The following LARP1B variants were observed in gnomAD, a reference collection of about 807,000 sequenced individuals.
LARP1B encodes the protein la-related protein 1B.
In LARP1B, 76 loss-of-function variants were observed where a neutral mutation model predicts 114.2. The observed-to-expected ratio is 0.67, with a 90% confidence interval of 0.55 to 0.81. The LOEUF (loss-of-function observed/expected upper bound fraction) is 0.81, where lower values mean the gene tolerates loss of function less well. LARP1B is among the 30% of genes least tolerant of loss of function. The pLI is 0.00. For synonymous variants in LARP1B, 345 were observed against 348.0 expected (o/e 0.99, Z 0.10); for missense variants, 1,014 against 1,075.8 (o/e 0.94, Z 0.80).
chr4:128,127,572 G>T (rs927787506), intron 11 of LARP1B, among the ~76,000 whole-genome samples: 1 of 152,140 alleles, frequency 6.6e-6, no homozygotes, highest in Non-Finnish European at 1.5e-5. Flanking sequence ...GGTGGCTCAC[G>T]CCTGTAATCC....
At chr4:128,076,208 T>G (rs1164821747) in intron 3 of LARP1B, among the ~76,000 whole-genome samples, 1 of 152,122 alleles carries the variant, frequency 6.6e-6, no homozygotes, top group Non-Finnish European at 1.5e-5. Context: ...GAGACAGGGT[T>G]TCGCCATGTT....
At chr4:128,174,549 A>C (rs1399975486) in intron 12 of LARP1B, among the ~76,000 whole-genome samples, 1 of 152,018 alleles carries the variant, frequency 6.6e-6, no homozygotes, top group African/African-American at 2.4e-5. Flanking sequence ...GGCAAAATTC[A>C]CCCTGGAATA....
chr4:128,111,947 C>T (rs1433099361), intron 9 of LARP1B, among the ~76,000 whole-genome samples: 1 of 151,842 alleles, frequency 6.6e-6, no homozygotes, highest in Non-Finnish European at 1.5e-5. Flanking sequence ...GCCTCGGCCT[C>T]CCAAAGTGCT....
At chr4:128,184,314 A>G (rs748854550) in intron 15 of LARP1B, among the ~76,000 whole-genome samples, 19 of 152,166 alleles carry the variant, frequency 1.2e-4, no homozygotes, top group Non-Finnish European at 2.5e-4. Context: ...GTCAGCAACC[A>G]CCGCTCTGAT....
At chr4:128,087,578 G>C (rs1485324154) in intron 5 of LARP1B, among the ~76,000 whole-genome samples, 1 of 152,122 alleles carries the variant, frequency 6.6e-6, no homozygotes. Flanking sequence ...TCCCTTGAAA[G>C]TAACTTGGAG....
chr4:128,117,371 G>A (rs1018993428), intron 10 of LARP1B, among the ~76,000 whole-genome samples: 3 of 151,636 alleles, frequency 2.0e-5, no homozygotes, highest in South Asian at 2.1e-4. Context: ...TACTACACCC[G>A]GCTAATTTTT....
At chr4:128,090,018 C>A (rs1000583906) in intron 5 of LARP1B, among the ~76,000 whole-genome samples, 1 of 151,046 alleles carries the variant, frequency 6.6e-6, no homozygotes, top group Non-Finnish European at 1.5e-5. Flanking sequence ...AGCAATTTGC[C>A]TGTCTCAGCC....
chr4:128,126,106 A>G (rs1789500320), intron 11 of LARP1B, among the ~76,000 whole-genome samples: 1 of 150,812 alleles, frequency 6.6e-6, no homozygotes, highest in Non-Finnish European at 1.5e-5. Flanking sequence ...ACATACCTTA[A>G]AATAATCTTT....
At chr4:128,153,811 T>G (rs946037952) in intron 11 of LARP1B, among the ~76,000 whole-genome samples, 1 of 152,330 alleles carries the variant, frequency 6.6e-6, no homozygotes, top group East Asian at 1.9e-4. Flanking sequence ...ATTTGTCTTA[T>G]GTTTCATAGG....
intron 1 of LARP1B, chr4:128,061,878 GGGGAGAGCCGTCGCCGGCGCT>G (rs1195631439): frequency 6.1e-5 from 60 of 985,114 alleles, no homozygotes; most frequent in Non-Finnish European, 7.1e-5. Context: ...GCTGGGGCGC[GGGGAGAGCCGTCGCCGGCGCT>G]GGTGCTGGGA....
At chr4:128,101,891 G>A (rs1780469412) in intron 8 of LARP1B, among the ~76,000 whole-genome samples, 1 of 152,102 alleles carries the variant, frequency 6.6e-6, no homozygotes, top group African/African-American at 2.4e-5. Flanking sequence ...ACTTCTGTAC[G>A]AATGTAGTTG....
intron 13 of LARP1B, among the ~76,000 whole-genome samples, chr4:128,177,682 A>T (rs2150645247): frequency 6.6e-6 from 1 of 152,360 alleles, no homozygotes; most frequent in South Asian, 2.1e-4. Flanking sequence ...AGTCTTCACC[A>T]GAATGTTGAA....
chr4:128,096,194 C>T (rs1027325253), intron 7 of LARP1B, among the ~76,000 whole-genome samples: 20 of 151,992 alleles, frequency 1.3e-4, no homozygotes, highest in Non-Finnish European at 1.6e-4. Context: ...AGGGTTTCAC[C>T]GTGTTAGCCA....
chr4:128,141,284 G>A (rs1026919752), intron 11 of LARP1B, among the ~76,000 whole-genome samples: 1 of 152,070 alleles, frequency 6.6e-6, no homozygotes, highest in African/African-American at 2.4e-5. Flanking sequence ...GGTATCATTG[G>A]CTAGCGTCTG....
intron 15 of LARP1B, among the ~76,000 whole-genome samples, chr4:128,187,348 T>G (rs1750712455): frequency 6.6e-6 from 1 of 152,252 alleles, no homozygotes; most frequent in South Asian, 2.1e-4. Flanking sequence ...GCCCACCCCT[T>G]GCACCAGCAT....
chr4:128,209,303 C>T (rs565607597), intron 19 of LARP1B, among the ~76,000 whole-genome samples: 1 of 152,174 alleles, frequency 6.6e-6, no homozygotes, highest in African/African-American at 2.4e-5. Flanking sequence ...CGCCTCTACT[C>T]CCAGCTACTT....
intron 15 of LARP1B, among the ~76,000 whole-genome samples, chr4:128,182,750 G>A (rs1237250478): frequency 6.6e-6 from 1 of 152,198 alleles, no homozygotes; most frequent in Non-Finnish European, 1.5e-5. Flanking sequence ...CTGAAAACTA[G>A]ATCTCTTGTG....
chr4:128,079,060 C>T (rs1352577137), intron 4 of LARP1B, among the ~76,000 whole-genome samples: 1 of 150,936 alleles, frequency 6.6e-6, no homozygotes. Flanking sequence ...TTAACTTTTA[C>T]CGTAGACTGA....
At chr4:128,074,148 C>T (rs972871739) in intron 1 of LARP1B, among the ~76,000 whole-genome samples, 1 of 151,964 alleles carries the variant, frequency 6.6e-6, no homozygotes, top group Non-Finnish European at 1.5e-5. Flanking sequence ...CCATGTTGGT[C>T]AGGCCGGTCT....
Sources: allele counts gnomAD v4.1 joint callset (sites outside exome capture counted in the v4.1 genomes callset), GRCh38; gene constraint gnomAD v4.1.1; transcripts MANE v1.5; gene names NCBI Gene and HGNC (gene_info 2026-07-23, HGNC 2026-07-21).